The following SPTBN1 variants were observed in gnomAD, a reference collection of about 807,000 sequenced individuals.
The protein encoded by SPTBN1 is spectrin beta, non-erythrocytic 1.
A neutral mutation model predicts 266.4 loss-of-function variants in SPTBN1; 32 were observed. That is an observed-to-expected ratio of 0.12 (90% confidence interval 0.09 to 0.16). The LOEUF (loss-of-function observed/expected upper bound fraction) is 0.16. SPTBN1 is among the 10% of genes least tolerant of loss of function. SPTBN1 has a pLI of 1.00. For synonymous variants in SPTBN1, 1,336 were observed against 1,162.2 expected (o/e 1.15, Z -3.04); for missense variants, 2,296 against 3,067.1 (o/e 0.75, Z 5.94).
At chr2:54,607,384 A>G (rs1193960382) in intron 3 of SPTBN1, among the ~76,000 whole-genome samples, 1 of 152,218 alleles carries the variant, frequency 6.6e-6, no homozygotes, top group Non-Finnish European at 1.5e-5. Flanking sequence ...GCACTTTGGG[A>G]GGCCAAGGTG....
intron 2 of SPTBN1, among the ~76,000 whole-genome samples, chr2:54,543,474 A>G (rs1158717291): frequency 3.9e-5 from 6 of 152,066 alleles, no homozygotes; most frequent in African/African-American, 7.2e-5. Flanking sequence ...CAAAAGGCAC[A>G]TGTTCTGATG....
At position 54,644,418 on chromosome 2, in the gene SPTBN1, C is replaced by T. The variant is rs1393003843; in HGVS notation, c.4101C>T (p.Ser1367=). 6.2e-7 allele frequency: 1 copy of T among 1,614,220 alleles called. No homozygotes were observed. The highest frequency in any genetic ancestry group is 1.7e-5 in the Admixed American group (1 of 60,030). ...GLHKMWEVLE[S]TTQTKAQRLF... is the part of the protein sequence containing the mutation. ...ATAAAATGTGGGAAGTCCTTGAATC[C>T]ACTACCCAGACAAAGGCCCAGCGGC... is the stretch of plus-strand genomic sequence containing the variant. Residue 1367 remains serine (S), a synonymous_variant, in exon 20 of 36, where the codon TCC becomes TCT. Transcript: ENST00000356805.
chr2:54,596,280 G>A (rs1278267595), intron 2 of SPTBN1, among the ~76,000 whole-genome samples: 1 of 152,172 alleles, frequency 6.6e-6, no homozygotes, highest in Non-Finnish European at 1.5e-5. Context: ...CCCAGGATAG[G>A]TGGAACAAAG....
chr2:54,493,412 T>TGGTGGGGGG (rs1553433739), intron 1 of SPTBN1, among the ~76,000 whole-genome samples: 1 of 146,698 alleles, frequency 6.8e-6, no homozygotes, highest in Non-Finnish European at 1.5e-5. Context: ...TTTTCTTTTT[T>TGGTGGGGGG]GGGGGGTTGG....
In SPTBN1 at chr2:54,626,187, A is replaced by T. The variant is rs1436967205; in HGVS notation, c.1597A>T (p.Ile533Leu). The T allele has an allele frequency of 6.2e-7, 1 of 1,614,194 alleles. No individual in the cohort carries two copies. Among genetic ancestry groups the T allele is most frequent in the Non-Finnish European group, 8.5e-7 (1 of 1,180,034 alleles). The change falls in exon 12 of 36, where the codon ATA (isoleucine) becomes TTA (leucine). Residue 533 changes from isoleucine to leucine, a missense_variant. Ile to Leu is a conservative substitution (Grantham distance 5, BLOSUM62 2). Transcript: ENST00000356805. The surrounding 1 kb of genome is among the most constrained non-coding windows in gnomAD (Gnocchi z 4.7). ...CGAGATGAACCTGGGGCTGCAGAAG[A>T]TATTCCAGGAAATGCTCTACATTAT... The part of the protein sequence containing the change: ...RLEMNLGLQK[I>L]FQEMLYIMDW...
chr2:54,523,260 A>G (rs1379283892), intron 1 of SPTBN1, among the ~76,000 whole-genome samples: 1 of 152,224 alleles, frequency 6.6e-6, no homozygotes, highest in Admixed American at 6.5e-5. Flanking sequence ...ATAAATTGCT[A>G]ACGTAGGTGT....
chr2:54,604,367 T>A (rs1342960338), intron 3 of SPTBN1, among the ~76,000 whole-genome samples: 1 of 152,156 alleles, frequency 6.6e-6, no homozygotes, highest in South Asian at 2.1e-4. Context: ...TCTTTCTTTC[T>A]TTCTTTTCCT....
At chr2:54,655,856 A>C (rs912583810) in intron 28 of SPTBN1, 58 bp from the exon 29 acceptor site, 6 of 1,353,412 alleles carry the variant, frequency 4.4e-6, no homozygotes, top group Non-Finnish European at 6.3e-6. Context: ...AAATGACCCC[A>C]TCAAGAGGAT....
At chr2:54,637,676 C>G in intron 17 of SPTBN1, 37 bp from the exon 18 acceptor site, 1 of 1,506,610 alleles carries the variant, frequency 6.6e-7, no homozygotes, top group Non-Finnish European at 9.2e-7. Flanking sequence ...TTCTCTACTT[C>G]CTTTTTTAAA....
intron 17 of SPTBN1, among the ~76,000 whole-genome samples, chr2:54,633,325 A>C (rs1678882477): frequency 6.6e-6 from 1 of 152,190 alleles, no homozygotes; most frequent in South Asian, 2.1e-4. Context: ...ATAAGAGCAA[A>C]GGTTATTTTC....
Position 54,649,307 on chromosome 2 carries a change from G to C in SPTBN1, c.5202+117G>C. ...CCCTGGACTCCAATCAGAGGTCTTG[G>C]GGTTTAGTTTTAAGGTGGTGTTTCT... is the stretch of plus-strand genomic sequence containing the variant. On this transcript the variant is annotated intron_variant, in intron 25 of 35. Coordinates refer to ENST00000356805, the MANE Select transcript of SPTBN1 (RefSeq NM_003128.3). The surrounding 1 kb of genome is among the most constrained non-coding windows in gnomAD (Gnocchi z 6.7). 1 of 1,213,158 alleles carries C rather than the reference G, an allele frequency of 8.2e-7. No homozygotes were observed. Among genetic ancestry groups the C allele is most frequent in the Non-Finnish European group, 1.1e-6 (1 of 883,836 alleles). The allele number at this position is 1,213,158 out of a possible 1,614,324, so 75.1% of individuals were successfully genotyped here.
intron 2 of SPTBN1, among the ~76,000 whole-genome samples, chr2:54,544,360 C>T (rs548314908): frequency 1.3e-5 from 2 of 152,274 alleles, no homozygotes; most frequent in African/African-American, 4.8e-5. Context: ...AATCTTCTAC[C>T]TCTCCCTACA....
At chr2:54,597,980 A>G (rs900765479) in intron 2 of SPTBN1, among the ~76,000 whole-genome samples, 1 of 150,348 alleles carries the variant, frequency 6.7e-6, no homozygotes, top group Non-Finnish European at 1.5e-5. Context: ...GTGGAACTAG[A>G]TATAGTGTAT....
chr2:54,573,675 A>T (rs992479759), intron 2 of SPTBN1, among the ~76,000 whole-genome samples: 1 of 152,166 alleles, frequency 6.6e-6, no homozygotes, highest in Non-Finnish European at 1.5e-5. Context: ...CTCCTTTTGG[A>T]CTACTAGGAG....
intron 1 of SPTBN1, among the ~76,000 whole-genome samples, chr2:54,471,819 T>TTTTTTG: frequency 7.8e-6 from 1 of 128,582 alleles, no homozygotes; most frequent in Non-Finnish European, 1.7e-5. Flanking sequence ...TTTTTTTTTT[T>TTTTTTG]GCTGTTCCAA....
chr2:54,661,509 C>A, intron 32 of SPTBN1: 1 of 985,808 alleles, frequency 1.0e-6, no homozygotes, highest in Non-Finnish European at 1.2e-6. Context: ...ATGTACATAT[C>A]TATCTACTTC....
chr2:54,522,701 A>AGAGAGAGAGAGAGAGAGAGAGAGAGAG (rs1558802720), intron 1 of SPTBN1, among the ~76,000 whole-genome samples: 9 of 70,188 alleles, frequency 1.3e-4, no homozygotes, highest in South Asian at 4.3e-4. Flanking sequence ...GAGAGAGAGA[A>AGAGAGAGAGAGAGAGAGAGAGAGAGAG]AGAAAGAAAG....
intron 2 of SPTBN1, among the ~76,000 whole-genome samples, chr2:54,532,004 G>A (rs1040586161): frequency 1.3e-5 from 2 of 151,964 alleles, no homozygotes; most frequent in African/African-American, 2.4e-5. Context: ...AAAATAATTA[G>A]AATTGCCGGG....
In SPTBN1 at chr2:54,625,791, A is replaced by C; in HGVS notation, c.1342-141A>C. The C allele has an allele frequency of 1.1e-5, 10 of 887,966 alleles. No homozygotes were observed. The South Asian group carries it at 1.6e-4, about 14-fold the overall frequency. The allele number at this position is 887,966 out of a possible 1,614,324, so 55.0% of individuals were successfully genotyped here. A position where few individuals can be genotyped will look rare whatever the true frequency, so the allele number is the denominator to read the frequency against. On this transcript the variant is annotated intron_variant, in intron 11 of 35. Transcript: ENST00000356805. The stretch of plus-strand genomic sequence containing the variant: ...TTTTTAGTAGAGACAGGGTTTCACA[A>C]TGTTGGCCAGGCTAGTCTCGAACTC...
Sources: allele counts gnomAD v4.1 joint callset (sites outside exome capture counted in the v4.1 genomes callset), GRCh38; gene constraint gnomAD v4.1.1; non-coding constraint Gnocchi (gnomAD v3.1); transcripts MANE v1.5; gene names NCBI Gene and HGNC (gene_info 2026-07-23, HGNC 2026-07-21).